SLC51A: variants seen among roughly 807,000 people sequenced by gnomAD.
SLC51A encodes the protein organic solute transporter subunit alpha.
A neutral mutation model predicts 34.8 loss-of-function variants in SLC51A; 22 were observed. The observed-to-expected ratio is 0.63, with a 90% CI of 0.45 to 0.90. The LOEUF (loss-of-function observed/expected upper bound fraction) is 0.90. Ranked by LOEUF, SLC51A falls within the 40% of genes least tolerant of loss-of-function variation. The pLI is 0.00. For missense variants in SLC51A, 371 were observed against 414.8 expected, an observed-to-expected ratio of 0.89 and a Z score of 0.92; for synonymous variants, 181 against 176.3, an observed-to-expected ratio of 1.03 and a Z score of -0.21.
At chr3:196,217,003 G>A (rs1052983602) in intron 1 of SLC51A, among the ~76,000 whole-genome samples, 20 of 152,336 alleles carry the variant, frequency 1.3e-4, no homozygotes, top group African/African-American at 4.8e-4. Flanking sequence ...GAAGGCATTC[G>A]CAGAGGAAAT....
intron 1 of SLC51A, 126 bp from the exon 2 acceptor site, chr3:196,217,712 AAGAG>A (rs1009280224): frequency 7.4e-5 from 47 of 631,112 alleles, no homozygotes; most frequent in South Asian, 7.2e-4. Context: ...GAAAGAAAGA[AAGAG>A]AGAGAAAGAG....
At chr3:196,219,173 C>A (rs1228741224) in intron 2 of SLC51A, among the ~76,000 whole-genome samples, 2 of 152,074 alleles carry the variant, frequency 1.3e-5, no homozygotes, top group East Asian at 3.8e-4. Context: ...TTGCAGTGAG[C>A]CGAGATCACG....
At position 196,233,261 on chromosome 3, in the gene SLC51A, T is replaced by C; in HGVS notation, c.*62T>C. The C allele has an allele frequency of 1.3e-6, 2 of 1,565,272 alleles. No individual in the cohort carries two copies. ...ATTAGAATACAAGATTCCTTTACTGTCCCTCAACCTTGACCAAATGGGAAG... is the reference window on the plus strand; with the variant it reads ...ATTAGAATACAAGATTCCTTTACTGCCCCTCAACCTTGACCAAATGGGAAG... On this transcript the variant is annotated 3_prime_UTR_variant, in exon 9 of 9. Transcript: ENST00000296327.
At position 196,227,126 on chromosome 3, in the gene SLC51A, C is replaced by T; in HGVS notation, c.288+7C>T. 1 of 1,612,720 alleles carries T rather than the reference C, an allele frequency of 6.2e-7. No homozygotes were observed. The highest frequency in any genetic ancestry group is 8.5e-7 in the Non-Finnish European group (1 of 1,179,762). On this transcript the variant is annotated splice_region_variant and intron_variant, in intron 3 of 8. Coordinates refer to ENST00000296327, the MANE Select transcript of SLC51A (RefSeq NM_152672.6). ...GAAGAGCTCGGCACCCACGGTGAGG[C>T]CCCCGGGGCTGCCCTGTGGGGGGAA...
intron 2 of SLC51A, among the ~76,000 whole-genome samples, chr3:196,222,557 T>C (rs1398286203): frequency 2.0e-5 from 3 of 149,848 alleles, no homozygotes; most frequent in Non-Finnish European, 4.4e-5. Context: ...ATTGCTTGGA[T>C]CCACGAGGCG....
intron 3 of SLC51A, 114 bp from the exon 4 acceptor site, chr3:196,227,550 A>T: frequency 1.1e-6 from 1 of 876,744 alleles, no homozygotes; most frequent in Non-Finnish European, 1.9e-6. Flanking sequence ...GGCAACGTTT[A>T]AGGAACGCTG....
rs904358021 is a variant in SLC51A, at chr3:196,216,687, G to A, written c.-26G>A. 5.1e-6 allele frequency: 8 copies of A among 1,555,428 alleles called. No homozygotes were observed. The Admixed American group carries it at 9.6e-5, about 19-fold the overall frequency. On this transcript the variant is annotated 5_prime_UTR_variant, in exon 1 of 9. Transcript: ENST00000296327. This position sits in a 1 kb window ranked among gnomAD's most constrained non-coding sequence, Gnocchi z 4.5. Reference sequence around the variant, plus strand: ...CCTGCCCTTCCTCACCCCGGTGCCTGCGGGATTGCTGGAGAGAACGCGGCG... The same window carrying A: ...CCTGCCCTTCCTCACCCCGGTGCCTACGGGATTGCTGGAGAGAACGCGGCG...
Position 196,228,767 on chromosome 3 carries a change from G to A in SLC51A, c.522-42G>A, listed in dbSNP as rs759985936. On this transcript the variant is annotated intron_variant, in intron 5 of 8. Transcript: ENST00000296327. The surrounding 1 kb of genome is among the most constrained non-coding windows in gnomAD (Gnocchi z 4.9). ...GAGCCGGGGCGTCTTCCTGGGGCAG[G>A]GGGTTTGTGGGCCCATGTTCCTAAC... 7.7e-6 allele frequency: 12 copies of A among 1,560,774 alleles called. No individual in the cohort carries two copies. The highest frequency in any genetic ancestry group is 1.1e-5 in the Non-Finnish European group (12 of 1,131,908).
chr3:196,228,258 G>A lies in SLC51A; in HGVS notation c.506G>A (p.Arg169Gln), dbSNP rs777508608. Residue 169 changes from arginine (R) to glutamine (Q), a missense_variant, in exon 5 of 9, where the codon CGG becomes CAG. Physicochemically the swap from Arg to Gln is conservative, Grantham distance 43. Coordinates refer to ENST00000296327, the MANE Select transcript of SLC51A (RefSeq NM_152672.6). The surrounding 1 kb of genome is among the most constrained non-coding windows in gnomAD (Gnocchi z 4.9). ...PCCCCCPCCPRLLLTRKKLQL... is the reference protein window; with the variant it reads ...PCCCCCPCCPQLLLTRKKLQL... ...TGCTGCTGCTGCCCCTGCTGTCCAC[G>A]GCTGCTGCTCACCAGGTGAGGCGGG... The A allele has an allele frequency of 9.0e-5, 145 of 1,611,954 alleles. No individual in the cohort carries two copies. The highest frequency in any genetic ancestry group is 1.2e-4 in the Non-Finnish European group (138 of 1,179,680).
At chr3:196,231,762 G>C (rs553611988) in intron 7 of SLC51A, among the ~76,000 whole-genome samples, 1 of 152,336 alleles carries the variant, frequency 6.6e-6, no homozygotes, top group East Asian at 1.9e-4. Flanking sequence ...AATGTACTCA[G>C]GGAGGGCAAT....
At chr3:196,224,413 G>A (rs1421753978) in intron 2 of SLC51A, among the ~76,000 whole-genome samples, 7 of 150,444 alleles carry the variant, frequency 4.7e-5, no homozygotes, top group African/African-American at 9.8e-5. Context: ...CGCGGTTGTC[G>A]GCTGGACCCG....
chr3:196,231,515 G>A (rs946554005), intron 7 of SLC51A, among the ~76,000 whole-genome samples: 2 of 152,186 alleles, frequency 1.3e-5, no homozygotes, highest in African/African-American at 4.8e-5. Flanking sequence ...CTACGTACAT[G>A]CCTCCCAAAT....
chr3:196,217,619 G>C (rs1577342362), intron 1 of SLC51A, among the ~76,000 whole-genome samples: 1 of 149,424 alleles, frequency 6.7e-6, no homozygotes, highest in African/African-American at 2.4e-5. Context: ...AAGAGAAAGA[G>C]AGAGCAGAAG....
intron 2 of SLC51A, among the ~76,000 whole-genome samples, chr3:196,220,468 G>A (rs551975436): frequency 4.1e-4 from 63 of 152,186 alleles, no homozygotes; most frequent in African/African-American, 1.4e-3. Flanking sequence ...GTGGTGGCGC[G>A]TGCCTGTAAT....
chr3:196,217,995 G>T, intron 2 of SLC51A, 59 bp downstream of exon 2: 1 of 1,493,732 alleles, frequency 6.7e-7, no homozygotes, highest in South Asian at 1.2e-5. Flanking sequence ...TAGCTGAGTG[G>T]AGCTGGGGAG....
intron 7 of SLC51A, among the ~76,000 whole-genome samples, chr3:196,230,446 G>A (rs140953794): frequency 1.5e-3 from 227 of 151,812 alleles, no homozygotes; most frequent in African/African-American, 5.3e-3. Context: ...CAGCATTTGC[G>A]TCACTCCCAT....
In SLC51A at chr3:196,228,118, T is replaced by A; in HGVS notation, c.366T>A (p.Phe122Leu). ...CCCTCTTCTCTCCCCACCCCAGGTT[T>A]TATGCCGTGTGCTTTTACCTGCTGA... Reference protein sequence around the residue: ...LVLVEMTITSFYAVCFYLLML... With the variant: ...LVLVEMTITSLYAVCFYLLML... Residue 122 changes from phenylalanine to leucine, a missense_variant, in exon 5 of 9, where the codon TTT becomes TTA. Physicochemically the swap from Phe to Leu is conservative, Grantham distance 22 (BLOSUM62 0). Coordinates refer to ENST00000296327, the MANE Select transcript of SLC51A (RefSeq NM_152672.6). The surrounding 1 kb of genome is among the most constrained non-coding windows in gnomAD (Gnocchi z 4.9). The A allele has an allele frequency of 6.2e-7, 1 of 1,613,472 alleles. No individual in the cohort carries two copies. Among genetic ancestry groups the A allele is most frequent in the South Asian group, 1.1e-5 (1 of 90,972 alleles).
In SLC51A at chr3:196,223,981, C is replaced by T. The variant is rs370934800; in HGVS notation, c.134-2984C>T. 40 of 339,512 alleles carry T rather than the reference C, an allele frequency of 1.2e-4. 1 individual carries two copies. The highest frequency in any genetic ancestry group is 7.3e-4 in the African/African-American group (32 of 43,748). The allele number at this position is 339,512 out of a possible 1,614,324, so 21.0% of individuals were successfully genotyped here. A position where few individuals can be genotyped will look rare whatever the true frequency, so the allele number is the denominator to read the frequency against. On this transcript the variant is annotated intron_variant, in intron 2 of 8. Coordinates refer to ENST00000296327, the MANE Select transcript of SLC51A (RefSeq NM_152672.6). ...TCAAGCAATTCTCCTGCCTCAGCCT[C>T]TCCAGTAGGTGGGATTACAGGTACT...
At chr3:196,221,256 T>TAA (rs544237439) in intron 2 of SLC51A, among the ~76,000 whole-genome samples, 2 of 151,026 alleles carry the variant, frequency 1.3e-5, no homozygotes, top group African/African-American at 4.9e-5. Context: ...TGTCTCAATT[T>TAA]AAAAAAAAGA....
Sources: gnomAD v4.1 joint callset for allele counts (sites outside exome capture counted in the v4.1 genomes callset) on GRCh38, gnomAD v4.1.1 for gene constraint, Gnocchi (gnomAD v3.1) non-coding constraint, MANE v1.5 for transcripts, NCBI Gene and HGNC (gene_info 2026-07-23, HGNC 2026-07-21) for gene names.